The following HAUS6 variants were observed in gnomAD, a reference collection of about 807,000 sequenced individuals.
HAUS6 encodes the protein HAUS augmin like complex subunit 6.
In HAUS6, 80 loss-of-function variants were observed where a neutral mutation model predicts 106.8. That is an observed-to-expected ratio of 0.75 (90% confidence interval 0.63 to 0.90). The LOEUF (loss-of-function observed/expected upper bound fraction) is 0.90, where lower values mean the gene tolerates loss of function less well. Ranked by LOEUF, HAUS6 falls within the 40% of genes least tolerant of loss-of-function variation. The pLI is 0.00. For synonymous variants in HAUS6, 356 were observed against 379.1 expected (o/e 0.94, Z 0.71); for missense variants, 1,155 against 1,118.1 (o/e 1.03, Z -0.47).
Position 19,092,501 on chromosome 9 carries a change from G to C in HAUS6, c.436+670C>G, listed in dbSNP as rs564332950. Reference sequence around the variant, plus strand: ...GTAGAAGTGCATGCCTGTAATCCCAGCTACTCCGGGGGCTGAGGCAGGAGA... The same window carrying C: ...GTAGAAGTGCATGCCTGTAATCCCACCTACTCCGGGGGCTGAGGCAGGAGA... On this transcript the variant is annotated intron_variant, in intron 4 of 16. Transcript: ENST00000380502. 3.3e-5 allele frequency among the ~76,000 whole-genome samples: 5 copies of C among 151,436 alleles called. No homozygotes were observed. The South Asian group carries it at 6.3e-4, about 19-fold the overall frequency.
chr9:19,076,033 T>C (rs942502974), intron 11 of HAUS6, among the ~76,000 whole-genome samples: 6 of 149,634 alleles, frequency 4.0e-5, no homozygotes, highest in African/African-American at 1.5e-4. Context: ...AAGTGACTGA[T>C]TAGTGGGTTA....
In HAUS6 at chr9:19,089,529, T is replaced by A. The variant is rs1471768034; in HGVS notation, c.467A>T (p.Asn156Ile). ...NSSHHFVETF[N>I]IKPQDLHKCI... ...TTTGTGCAAGTCCTGTGGTTTTATG[T>A]TAAATGTCTCTACAAAATGATGAGA... The change falls in exon 5 of 17, where the codon AAC becomes ATC. Residue 156 changes from asparagine to isoleucine, a missense_variant. Around this residue, in one of 3 missense-constraint regions of HAUS6, gnomAD observed 761 missense variants for 690.0 expected, o/e 1.10. Transcript: ENST00000380502. 2 of 1,611,020 alleles carry A rather than the reference T, an allele frequency of 1.2e-6. No homozygotes were observed. Among genetic ancestry groups the A allele is most frequent in the East Asian group, 4.5e-5 (2 of 44,850 alleles).
intron 11 of HAUS6, among the ~76,000 whole-genome samples, chr9:19,074,343 A>C (rs1836944301): frequency 6.6e-6 from 1 of 152,034 alleles, no homozygotes; most frequent in African/African-American, 2.4e-5. Flanking sequence ...GCAGTAATAG[A>C]TCATTGCAGC....
Position 19,086,721 on chromosome 9 carries a change from TA to T in HAUS6, c.699+12del. On this transcript the variant is annotated intron_variant, in intron 7 of 16. Transcript: ENST00000380502. ...TTAAAAGATTAAATTTCTCCTTTTATAAGTTGTCTCACCTTTTGAATTTTTT... is the reference window on the plus strand; with the variant it reads ...TTAAAAGATTAAATTTCTCCTTTTATAGTTGTCTCACCTTTTGAATTTTTT... The T allele has an allele frequency of 1.7e-6, 2 of 1,154,012 alleles. No individual in the cohort carries two copies. The highest frequency in any genetic ancestry group is 2.6e-6 in the Non-Finnish European group (2 of 773,816). 71.5% of individuals were successfully genotyped at this position (1,154,012 alleles called of 1,614,324 possible). A position where few individuals can be genotyped will look rare whatever the true frequency, so the allele number is the denominator to read the frequency against.
Position 19,102,522 on chromosome 9 carries a change from A to C in HAUS6, c.128+2T>G. 7 of 1,612,820 alleles carry C rather than the reference A, an allele frequency of 4.3e-6. No individual in the cohort carries two copies. Among genetic ancestry groups the C allele is most frequent in the Non-Finnish European group, 5.9e-6 (7 of 1,179,500 alleles). On this transcript the variant is annotated splice_donor_variant, in intron 1 of 16. Transcript: ENST00000380502. LOFTEE classifies it high-confidence loss of function. ...TCGCCCCGCCGGCCCCGGCCTCCTT[A>C]CACTCCGAGGTGCGTGTGCGACACG...
At chr9:19,060,711 G>GA (rs1490907480) in intron 14 of HAUS6, among the ~76,000 whole-genome samples, 1 of 152,034 alleles carries the variant, frequency 6.6e-6, no homozygotes, top group East Asian at 1.9e-4. Context: ...CTTCATTACT[G>GA]AAAAAAGCAT....
intron 4 of HAUS6, among the ~76,000 whole-genome samples, chr9:19,090,224 A>G (rs1817714680): frequency 6.6e-6 from 1 of 151,838 alleles, no homozygotes; most frequent in African/African-American, 2.4e-5. Context: ...TTACACAATT[A>G]AAAATTTTCA....
chr9:19,059,301 C>A (rs1209858974), intron 15 of HAUS6, among the ~76,000 whole-genome samples: 3 of 152,238 alleles, frequency 2.0e-5, no homozygotes, highest in South Asian at 4.1e-4. Context: ...ATCTAAGCCA[C>A]AGTTTGGCAA....
intron 11 of HAUS6, among the ~76,000 whole-genome samples, chr9:19,071,187 T>C (rs1588606220): frequency 2.0e-5 from 3 of 152,110 alleles, no homozygotes; most frequent in South Asian, 2.1e-4. Context: ...AAAAAGTATA[T>C]ACCTATGACT....
chr9:19,086,357 A>C lies in HAUS6; in HGVS notation c.699+377T>G, dbSNP rs184109123. ...GAAGGGAGGCTGGGCGCGGTGGCTCATGCCTGTAATCCCAGCACTTTGGGA... is the reference window on the plus strand; with the variant it reads ...GAAGGGAGGCTGGGCGCGGTGGCTCCTGCCTGTAATCCCAGCACTTTGGGA... On this transcript the variant is annotated intron_variant, in intron 7 of 16. Coordinates refer to ENST00000380502, the MANE Select transcript of HAUS6 (RefSeq NM_017645.5). Among the ~76,000 whole-genome samples the C allele has an allele frequency of 3.1e-3, 469 of 151,888 alleles. 2 individuals are homozygous for C. The highest frequency in any genetic ancestry group is 4.8e-3 in the Non-Finnish European group (328 of 67,966).
chr9:19,078,972 T>C (rs965322599), intron 9 of HAUS6, among the ~76,000 whole-genome samples: 55 of 150,318 alleles, frequency 3.7e-4, no homozygotes, highest in Non-Finnish European at 6.7e-4. Flanking sequence ...CTGACCAAAA[T>C]GGTGAAACCC....
rs1836408181 is a variant in HAUS6, at chr9:19,053,701, CTA to C, written c.*2640_*2641del. The C allele has an allele frequency of 6.6e-6, 1 of 152,136 alleles. No homozygotes were observed. Among genetic ancestry groups the C allele is most frequent in the Non-Finnish European group, 1.5e-5 (1 of 68,002 alleles). 9.4% of individuals were successfully genotyped at this position (152,136 alleles called of 1,614,324 possible). On this transcript the variant is annotated 3_prime_UTR_variant, in exon 17 of 17. Coordinates refer to ENST00000380502, the MANE Select transcript of HAUS6 (RefSeq NM_017645.5). ...TACAAATAGTAAAACAAAGTACATT[CTA>C]TATGTCTGATATTAATGTAATAAGA...
At chr9:19,080,971 C>A (rs1205960367) in intron 8 of HAUS6, among the ~76,000 whole-genome samples, 1 of 152,024 alleles carries the variant, frequency 6.6e-6, no homozygotes, top group African/African-American at 2.4e-5. Flanking sequence ...ACTCCAGAGG[C>A]TGAGGCAGGA....
rs369144634 is a variant in HAUS6, at chr9:19,064,871, T to G, written c.1377-1291A>C. ...TCATCTACTAGATTTTGAGGGAAAC[T>G]TAACATTAAAATTATCAAAAAGCCC... is the stretch of plus-strand genomic sequence containing the variant. On this transcript the variant is annotated intron_variant, in intron 12 of 16. Transcript: ENST00000380502. Among the ~76,000 whole-genome samples the G allele has an allele frequency of 7.2e-5, 11 of 152,250 alleles. No individual in the cohort carries two copies. The East Asian group carries it at 1.4e-3, about 19-fold the overall frequency.
intron 7 of HAUS6, among the ~76,000 whole-genome samples, chr9:19,085,622 A>G (rs1837271860): frequency 1.3e-5 from 2 of 151,984 alleles, no homozygotes; most frequent in South Asian, 4.1e-4. Context: ...ATCCAAAAAA[A>G]AAAAAAAAGA....
In HAUS6 at chr9:19,080,523, C is replaced by T. The variant is rs754900786; in HGVS notation, c.1020G>A (p.Glu340=). 2.5e-6 allele frequency: 4 copies of T among 1,609,522 alleles called. No homozygotes were observed. Among genetic ancestry groups the T allele is most frequent in the East Asian group, 2.2e-5 (1 of 44,832 alleles). ...ATAATCTTTCCTTCTGAAATTTGGT[C>T]TCTTTTTCAAGGTAGTGAAGGTCTA... ...LTVDLHYLEK[E]TKFQKERLSD... The change falls in exon 9 of 17, where the codon GAG becomes GAA. Residue 340 remains glutamate (E), a synonymous_variant. Transcript: ENST00000380502.
Position 19,058,427 on chromosome 9 carries a change from G to T in HAUS6, c.2340C>A (p.Leu780=). The change falls in exon 16 of 17, where the codon CTC becomes CTA. Residue 780 remains leucine (L), a synonymous_variant. Transcript: ENST00000380502. Reference sequence around the variant, plus strand: ...AACTTAGATGACCAACTTCTTCCGGGAGAGTTTCGTGTAATATGCCAAAAT... The same window carrying T: ...AACTTAGATGACCAACTTCTTCCGGTAGAGTTTCGTGTAATATGCCAAAAT... ...DNDFGILHET[L]PEEVGHLSFN... The T allele has an allele frequency of 6.3e-7, 1 of 1,593,842 alleles. No individual in the cohort carries two copies. Among genetic ancestry groups the T allele is most frequent in the Non-Finnish European group, 8.6e-7 (1 of 1,163,534 alleles).
chr9:19,056,768 T>C (rs1051716826), intron 16 of HAUS6: 2 of 171,492 alleles, frequency 1.2e-5, no homozygotes, highest in African/African-American at 2.4e-5. Context: ...GCCCAGCTAA[T>C]TGTTTAATTT....
At chr9:19,092,641 A>G (rs941381915) in intron 4 of HAUS6, among the ~76,000 whole-genome samples, 9 of 142,542 alleles carry the variant, frequency 6.3e-5, no homozygotes, top group Admixed American at 3.5e-4. Context: ...AAAAAAAAAA[A>G]AGCCAGGCGC....
Sources: gnomAD v4.1 joint callset for allele counts (sites outside exome capture counted in the v4.1 genomes callset) on GRCh38, gnomAD v4.1.1 for gene constraint, gnomAD v4.1.1 regional missense constraint, MANE v1.5 for transcripts, NCBI Gene and HGNC (gene_info 2026-07-23, HGNC 2026-07-21) for gene names.